Variants in LPAR1 observed in about 807,000 individuals in gnomAD.
The protein encoded by LPAR1 is LPA receptor 1.
Under a neutral mutation model 23.8 loss-of-function variants are expected in LPAR1, and 5 were observed. The observed-to-expected ratio is 0.21, with a 90% CI of 0.11 to 0.44. The LOEUF is 0.44. LPAR1 is among the 20% of genes least tolerant of loss of function. The pLI is 0.99. For missense variants in LPAR1, 311 were observed against 482.8 expected (o/e 0.64, Z 3.33); for synonymous variants, 160 against 164.7 (o/e 0.97, Z 0.22).
chr9:111,005,546 C>CAAAAAAAAAAAAAA (rs60143050), intron 2 of LPAR1, among the ~76,000 whole-genome samples: 3 of 70,336 alleles, frequency 4.3e-5, no homozygotes, highest in African/African-American at 1.5e-4. Flanking sequence ...GACCCTGTCT[C>CAAAAAAAAAAAAAA]AAAAAAAAAA....
chr9:110,954,334 G>A (rs1588513291), intron 4 of LPAR1, among the ~76,000 whole-genome samples: 3 of 152,254 alleles, frequency 2.0e-5, no homozygotes, highest in East Asian at 1.9e-4. Flanking sequence ...ACAATATACT[G>A]ATCAAATATT....
intron 5 of LPAR1, among the ~76,000 whole-genome samples, chr9:110,882,841 C>T (rs1416785183): frequency 3.3e-5 from 5 of 152,080 alleles, no homozygotes; most frequent in Middle Eastern, 6.8e-3. Context: ...AGATGATTGC[C>T]GTATTACTTT....
chr9:110,994,598 C>T (rs150103972), intron 2 of LPAR1, among the ~76,000 whole-genome samples: 4 of 152,216 alleles, frequency 2.6e-5, no homozygotes, highest in African/African-American at 9.6e-5. Context: ...CTTCTTCACA[C>T]TTTTTTACTG....
At chr9:110,997,582 C>A (rs965397002) in intron 2 of LPAR1, among the ~76,000 whole-genome samples, 6 of 152,136 alleles carry the variant, frequency 3.9e-5, no homozygotes, top group Non-Finnish European at 8.8e-5. Context: ...ACCCATGAAA[C>A]TTAAACACAA....
At chr9:111,006,611 C>T (rs1414568226) in intron 2 of LPAR1, among the ~76,000 whole-genome samples, 4 of 152,212 alleles carry the variant, frequency 2.6e-5, no homozygotes, top group Admixed American at 2.6e-4. Flanking sequence ...CCAAATCACA[C>T]CTCCAAATAG....
At chr9:110,918,094 GT>G (rs559979059) in intron 5 of LPAR1, among the ~76,000 whole-genome samples, 1 of 151,854 alleles carries the variant, frequency 6.6e-6, no homozygotes, top group Non-Finnish European at 1.5e-5. Context: ...TTGTTTGTTT[GT>G]TTTTTTGTAG....
intron 4 of LPAR1, among the ~76,000 whole-genome samples, chr9:110,956,146 G>C (rs4978972): frequency 0.45 from 66,707 of 148,830 alleles, 15,147 homozygotes; most frequent in East Asian, 0.81. Flanking sequence ...AACAGAAAAC[G>C]AAACACTGCA....
intron 2 of LPAR1, among the ~76,000 whole-genome samples, chr9:110,974,188 T>C (rs1386219307): frequency 6.6e-6 from 1 of 152,168 alleles, no homozygotes; most frequent in Non-Finnish European, 1.5e-5. Flanking sequence ...AAGCCAACCT[T>C]GCCTTTAAGG....
intron 5 of LPAR1, among the ~76,000 whole-genome samples, chr9:110,887,704 T>C (rs889749005): frequency 6.6e-6 from 1 of 152,188 alleles, no homozygotes; most frequent in Admixed American, 6.5e-5. Flanking sequence ...ATTTCAATTA[T>C]TTTAAGTACA....
chr9:110,930,296 A>G (rs1420358919), intron 5 of LPAR1, among the ~76,000 whole-genome samples: 2 of 152,032 alleles, frequency 1.3e-5, no homozygotes, highest in African/African-American at 4.8e-5. Context: ...CAGGCAGATT[A>G]CCTGAGATTG....
chr9:110,923,577 A>T (rs906876877), intron 5 of LPAR1, among the ~76,000 whole-genome samples: 20 of 152,212 alleles, frequency 1.3e-4, no homozygotes, highest in Non-Finnish European at 2.5e-4. Context: ...TATTAAATGC[A>T]TTTTCAACTT....
At chr9:110,932,751 C>T (rs887839526) in intron 5 of LPAR1, among the ~76,000 whole-genome samples, 1 of 152,218 alleles carries the variant, frequency 6.6e-6, no homozygotes, top group Non-Finnish European at 1.5e-5. Flanking sequence ...ATCTAGATTG[C>T]GTGCTTCTTA....
intron 2 of LPAR1, among the ~76,000 whole-genome samples, chr9:110,975,304 C>T (rs1012996827): frequency 2.0e-5 from 3 of 152,094 alleles, no homozygotes; most frequent in East Asian, 3.9e-4. Flanking sequence ...TGTCATATGA[C>T]GTTATTACTA....
At chr9:110,956,479 G>A (rs1249237126) in intron 4 of LPAR1, among the ~76,000 whole-genome samples, 1 of 148,652 alleles carries the variant, frequency 6.7e-6, no homozygotes, top group African/African-American at 2.5e-5. Context: ...AAATAAAATA[G>A]ACTTTAAAAG....
chr9:110,988,430 C>G (rs917342226), intron 2 of LPAR1, among the ~76,000 whole-genome samples: 1 of 151,804 alleles, frequency 6.6e-6, no homozygotes, highest in Non-Finnish European at 1.5e-5. Context: ...GGACTTGTAT[C>G]CAGAATAAAG....
At chr9:111,029,618 T>C (rs185074522) in intron 2 of LPAR1, among the ~76,000 whole-genome samples, 16 of 152,182 alleles carry the variant, frequency 1.1e-4, no homozygotes, top group South Asian at 2.1e-4. Flanking sequence ...TCCTCAGATA[T>C]GCAGACAGCT....
At chr9:110,982,691 T>G (rs2096696638) in intron 2 of LPAR1, among the ~76,000 whole-genome samples, 1 of 151,682 alleles carries the variant, frequency 6.6e-6, no homozygotes, top group Non-Finnish European at 1.5e-5. Context: ...ACATAAAGAT[T>G]CAACATAATC....
At chr9:110,969,877 C>G (rs757530451) in intron 4 of LPAR1, among the ~76,000 whole-genome samples, 14 of 152,074 alleles carry the variant, frequency 9.2e-5, no homozygotes, top group Non-Finnish European at 5.9e-5. Flanking sequence ...TTATACACTC[C>G]TTGGGCTCAT....
At chr9:110,880,622 C>A (rs924669173) in intron 5 of LPAR1, among the ~76,000 whole-genome samples, 1 of 152,172 alleles carries the variant, frequency 6.6e-6, no homozygotes, top group Non-Finnish European at 1.5e-5. Context: ...TCCCATAGAT[C>A]CAAAACAAGT....
Sources: allele counts gnomAD v4.1 joint callset (sites outside exome capture counted in the v4.1 genomes callset), GRCh38; gene constraint gnomAD v4.1.1; transcripts MANE v1.5; gene names NCBI Gene and HGNC (gene_info 2026-07-23, HGNC 2026-07-21).